The following MTUS2 variants were observed in gnomAD, a reference collection of about 807,000 sequenced individuals.
MTUS2 encodes the protein microtubule associated scaffold protein 2.
Under a neutral mutation model 114.1 loss-of-function variants are expected in MTUS2, and 40 were observed. That is an observed-to-expected ratio of 0.35 (90% CI 0.27 to 0.46). MTUS2 has a LOEUF of 0.46. Among genes scored for constraint, MTUS2 ranks in the 20% least tolerant of loss-of-function variants. The pLI, the probability that MTUS2 is intolerant of heterozygous loss-of-function variation, is 1.00. For synonymous variants in MTUS2, 688 were observed against 672.0 expected (o/e 1.02, Z -0.37); for missense variants, 1,679 against 1,705.4 (o/e 0.98, Z 0.27).
At chr13:29,311,803 T>A (rs1478486832) in intron 6 of MTUS2, among the ~76,000 whole-genome samples, 2 of 152,228 alleles carry the variant, frequency 1.3e-5, no homozygotes, top group South Asian at 4.1e-4. Context: ...AAAAAATTGT[T>A]CAATTACTAT....
intron 5 of MTUS2, among the ~76,000 whole-genome samples, chr13:29,266,771 C>T (rs1296471377): frequency 6.6e-6 from 1 of 152,000 alleles, no homozygotes; most frequent in African/African-American, 2.4e-5. Context: ...AGGAAGTGGC[C>T]CCCTGGGACA....
intron 2 of MTUS2, among the ~76,000 whole-genome samples, chr13:28,912,410 G>A (rs1159128209): frequency 1.3e-5 from 2 of 152,156 alleles, no homozygotes; most frequent in African/African-American, 2.4e-5. Context: ...TTTGGTCACT[G>A]TAGCCTTGTA....
chr13:28,909,715 A>G (rs1479852542), intron 2 of MTUS2, among the ~76,000 whole-genome samples: 2 of 152,120 alleles, frequency 1.3e-5, no homozygotes, highest in Admixed American at 6.6e-5. Flanking sequence ...AGGGTATTCA[A>G]TTAGGAAAAG....
chr13:29,086,000 A>T lies in MTUS2; in HGVS notation c.2447-14773A>T, dbSNP rs1889676039. ...TCTGACTGGTGTGAGATGGTATGTCATTGAGGTTTTGATTTGCATTTCTCT... is the reference window on the plus strand; with the variant it reads ...TCTGACTGGTGTGAGATGGTATGTCTTTGAGGTTTTGATTTGCATTTCTCT... On this transcript the variant is annotated intron_variant, in intron 4 of 15. Coordinates refer to ENST00000612955, the MANE Select transcript of MTUS2 (RefSeq NM_001033602.4). Among the ~76,000 whole-genome samples, 4 of 152,130 alleles carry T rather than the reference A, an allele frequency of 2.6e-5. No homozygotes were observed. The South Asian group carries it at 8.3e-4, about 32-fold the overall frequency.
intron 8 of MTUS2, among the ~76,000 whole-genome samples, chr13:29,415,428 C>G (rs542589548): frequency 6.6e-6 from 1 of 152,116 alleles, no homozygotes; most frequent in Non-Finnish European, 1.5e-5. Context: ...ATCTTCATCA[C>G]GATTTTGGCT....
intron 5 of MTUS2, among the ~76,000 whole-genome samples, chr13:29,192,870 A>G (rs188181802): frequency 1.2e-3 from 176 of 152,260 alleles, no homozygotes; most frequent in Non-Finnish European, 2.2e-3. Flanking sequence ...ACAGCACTCT[A>G]TGGTTTAAGT....
At chr13:29,099,457 G>A (rs1890317743) in intron 4 of MTUS2, among the ~76,000 whole-genome samples, 1 of 152,064 alleles carries the variant, frequency 6.6e-6, no homozygotes, top group South Asian at 2.1e-4. Context: ...GGCAGAGGAA[G>A]AGGTACTTTT....
chr13:29,023,961 C>T (rs534953665), intron 2 of MTUS2, among the ~76,000 whole-genome samples: 20 of 152,220 alleles, frequency 1.3e-4, no homozygotes, highest in Non-Finnish European at 1.5e-4. Context: ...ATAAAATTTT[C>T]GTTTTGTAAG....
intron 2 of MTUS2, among the ~76,000 whole-genome samples, chr13:28,959,702 G>A (rs1052418391): frequency 6.6e-6 from 1 of 152,118 alleles, no homozygotes; most frequent in Non-Finnish European, 1.5e-5. Flanking sequence ...AACTCATAGA[G>A]TGAGAACCCA....
At chr13:29,421,551 A>G (rs550863528) in intron 8 of MTUS2, among the ~76,000 whole-genome samples, 9 of 152,350 alleles carry the variant, frequency 5.9e-5, no homozygotes, top group South Asian at 2.1e-4. Context: ...GACTCCTTCA[A>G]GGTCCCATCC....
intron 2 of MTUS2, among the ~76,000 whole-genome samples, chr13:28,985,214 A>T (rs915585640): frequency 6.6e-6 from 1 of 152,182 alleles, no homozygotes; most frequent in Non-Finnish European, 1.5e-5. Context: ...TAAGATTTTA[A>T]CATTAAGACA....
chr13:29,371,970 A>ACCCCCCCCC (rs1197762029), intron 8 of MTUS2, among the ~76,000 whole-genome samples: 1 of 11,566 alleles, frequency 8.6e-5, no homozygotes, highest in African/African-American at 1.7e-4. Context: ...AGTGTCCTCA[A>ACCCCCCCCC]CCCCCGCCCC....
chr13:29,078,440 G>A (rs943996885), intron 4 of MTUS2, among the ~76,000 whole-genome samples: 1 of 152,160 alleles, frequency 6.6e-6, no homozygotes, highest in African/African-American at 2.4e-5. Context: ...CTTAATGTAA[G>A]CCTATTCCTG....
intron 9 of MTUS2, 100 bp downstream of exon 9, chr13:29,440,149 C>A: frequency 2.6e-6 from 3 of 1,142,428 alleles, no homozygotes; most frequent in Non-Finnish European, 3.8e-6. Context: ...TAAGCCAGTG[C>A]AAACCTGCCT....
chr13:28,934,567 A>C, intron 2 of MTUS2, among the ~76,000 whole-genome samples: 1 of 152,184 alleles, frequency 6.6e-6, no homozygotes, highest in East Asian at 1.9e-4. Context: ...GTTGTTGCCC[A>C]GGCTGGAGTG....
intron 5 of MTUS2, among the ~76,000 whole-genome samples, chr13:29,179,722 T>C (rs989758096): frequency 6.6e-6 from 1 of 152,252 alleles, no homozygotes; most frequent in African/African-American, 2.4e-5. Flanking sequence ...GCAACATTAT[T>C]CTGGTAGGTA....
At position 29,011,611 on chromosome 13, in the gene MTUS2, G is replaced by A. The variant is rs1885847113; in HGVS notation, c.-242-12846G>A. Among the ~76,000 whole-genome samples the A allele has an allele frequency of 4.6e-5, 7 of 152,292 alleles. 1 individual carries two copies. In the South Asian group the frequency reaches 1.4e-3, roughly 32 times the overall value. On this transcript the variant is annotated intron_variant, in intron 2 of 15. Coordinates refer to ENST00000612955, the MANE Select transcript of MTUS2 (RefSeq NM_001033602.4). ...TCCTTCATGTTTCTGGGCTGAGTTG[G>A]TTCCTAACTGAATAATATGGTTTTT...
chr13:28,900,228 G>T (rs181523251), intron 2 of MTUS2, among the ~76,000 whole-genome samples: 2 of 152,264 alleles, frequency 1.3e-5, no homozygotes. Flanking sequence ...TTTTAACAAC[G>T]ATTACAATAT....
At chr13:29,435,773 G>GCATAA in intron 8 of MTUS2, among the ~76,000 whole-genome samples, 2 of 152,352 alleles carry the variant, frequency 1.3e-5, no homozygotes, top group African/African-American at 4.8e-5. Context: ...TAAATTAGAA[G>GCATAA]AGTTGATATC....
Sources: gnomAD v4.1 joint callset for allele counts (sites outside exome capture counted in the v4.1 genomes callset) on GRCh38, gnomAD v4.1.1 for gene constraint, MANE v1.5 for transcripts, NCBI Gene and HGNC (gene_info 2026-07-23, HGNC 2026-07-21) for gene names.